Variants in DOCK3 observed in about 807,000 individuals in gnomAD.
DOCK3 encodes dedicator of cytokinesis protein 3.
A neutral mutation model predicts 265.6 loss-of-function variants in DOCK3; 60 were observed. The ratio of observed to expected loss-of-function variants is 0.23; its 90% CI spans 0.18 to 0.28. The LOEUF is 0.28. Ranked by LOEUF, DOCK3 falls within the 10% of genes least tolerant of loss-of-function variation. The pLI, the probability that DOCK3 is intolerant of heterozygous loss-of-function variation, is 1.00. For synonymous variants in DOCK3, 881 were observed against 938.0 expected, an observed-to-expected ratio of 0.94 and a Z score of 1.11; for missense variants, 1,981 against 2,594.3, an observed-to-expected ratio of 0.76 and a Z score of 5.14.
chr3:50,957,084 T>C (rs939503858), intron 5 of DOCK3, among the ~76,000 whole-genome samples: 3 of 152,182 alleles, frequency 2.0e-5, no homozygotes, highest in African/African-American at 7.2e-5. Context: ...TTTATATTAA[T>C]CAGTTTTTCA....
chr3:51,242,562 G>A (rs931619289), intron 21 of DOCK3, among the ~76,000 whole-genome samples: 16 of 152,098 alleles, frequency 1.1e-4, no homozygotes, highest in South Asian at 2.1e-4. Context: ...CAACTTTTGT[G>A]CAGTCACGGT....
chr3:51,253,694 G>A (rs2079387758), intron 22 of DOCK3, among the ~76,000 whole-genome samples: 1 of 152,046 alleles, frequency 6.6e-6, no homozygotes, highest in Non-Finnish European at 1.5e-5. Flanking sequence ...TGTAGTTCGT[G>A]GGATCGATGG....
chr3:51,029,239 C>T (rs768204766), intron 5 of DOCK3, among the ~76,000 whole-genome samples: 4 of 152,054 alleles, frequency 2.6e-5, no homozygotes, highest in East Asian at 1.9e-4. Flanking sequence ...CTACTTGCAA[C>T]GATGTATTTT....
At chr3:50,857,425 T>A (rs1256630961) in intron 3 of DOCK3, among the ~76,000 whole-genome samples, 1 of 152,142 alleles carries the variant, frequency 6.6e-6, no homozygotes, top group South Asian at 2.1e-4. Flanking sequence ...AAATTATTTA[T>A]TTCCTTTAGT....
intron 4 of DOCK3, among the ~76,000 whole-genome samples, chr3:50,917,544 A>T (rs2107989604): frequency 6.6e-6 from 1 of 152,154 alleles, no homozygotes; most frequent in African/African-American, 2.4e-5. Context: ...CTAATAGATG[A>T]TTATGCTCAC....
At chr3:51,297,794 A>T (rs200069116) in intron 27 of DOCK3, among the ~76,000 whole-genome samples, 6 of 148,806 alleles carry the variant, frequency 4.0e-5, no homozygotes, top group African/African-American at 1.2e-4. Flanking sequence ...AATAATAATA[A>T]TTTTTTTTTA....
At chr3:51,181,472 C>G (rs1023710954) in intron 12 of DOCK3, among the ~76,000 whole-genome samples, 20 of 151,744 alleles carry the variant, frequency 1.3e-4, no homozygotes, top group Non-Finnish European at 2.4e-4. Context: ...TGAACTCATC[C>G]TTTTTTATGG....
intron 23 of DOCK3, among the ~76,000 whole-genome samples, chr3:51,262,944 T>C (rs922777556): frequency 1.3e-5 from 2 of 152,196 alleles, no homozygotes; most frequent in Admixed American, 6.5e-5. Flanking sequence ...CTATGTTTGA[T>C]TGGTGTACCT....
At chr3:50,941,532 A>G (rs1158816666) in intron 5 of DOCK3, among the ~76,000 whole-genome samples, 1 of 152,116 alleles carries the variant, frequency 6.6e-6, no homozygotes, top group East Asian at 1.9e-4. Context: ...ACATATACTT[A>G]ATATATGACC....
intron 23 of DOCK3, among the ~76,000 whole-genome samples, chr3:51,264,094 A>G (rs548955135): frequency 2.6e-5 from 4 of 152,352 alleles, no homozygotes; most frequent in African/African-American, 7.2e-5. Flanking sequence ...CTCCTCCCCA[A>G]ATCAACAGAA....
chr3:51,171,312 A>G (rs1054517173), intron 12 of DOCK3, among the ~76,000 whole-genome samples: 2 of 152,156 alleles, frequency 1.3e-5, no homozygotes, highest in Admixed American at 1.3e-4. Context: ...AGTGTTGTTT[A>G]ATTTCCACAT....
At chr3:50,978,383 G>A (rs2077551767) in intron 5 of DOCK3, among the ~76,000 whole-genome samples, 1 of 145,880 alleles carries the variant, frequency 6.9e-6, no homozygotes, top group Non-Finnish European at 1.5e-5. Flanking sequence ...TCAGCTGCAG[G>A]TCTGTTGGAG....
chr3:51,278,809 AC>A (rs1028226815), intron 26 of DOCK3, among the ~76,000 whole-genome samples: 19 of 152,148 alleles, frequency 1.2e-4, no homozygotes, highest in Non-Finnish European at 1.3e-4. Context: ...TTTATTCAGT[AC>A]CTTTTTACAT....
intron 2 of DOCK3, among the ~76,000 whole-genome samples, chr3:50,790,538 G>T: frequency 7.3e-6 from 1 of 136,988 alleles, no homozygotes. Flanking sequence ...TTCAGCATTT[G>T]TTTGTCTGAA....
At chr3:51,338,336 C>T (rs1421304091) in intron 35 of DOCK3, 23 bp from the exon 36 acceptor site, 12 of 1,551,422 alleles carry the variant, frequency 7.7e-6, no homozygotes, top group Non-Finnish European at 1.0e-5. Context: ...ATATCTGGTG[C>T]TCATCTGTGC....
chr3:51,012,433 G>A (rs1257174033), intron 5 of DOCK3, among the ~76,000 whole-genome samples: 1 of 152,172 alleles, frequency 6.6e-6, no homozygotes, highest in Non-Finnish European at 1.5e-5. Context: ...CTGTGGGTGT[G>A]GGACCCTCCA....
intron 1 of DOCK3, among the ~76,000 whole-genome samples, chr3:50,742,598 G>T (rs1267572131): frequency 6.6e-6 from 1 of 151,788 alleles, no homozygotes; most frequent in South Asian, 2.1e-4. Flanking sequence ...GGGTATCAGC[G>T]ATGGAAGATG....
At chr3:51,064,327 T>G (rs2081516790) in intron 5 of DOCK3, 121 bp from the exon 6 acceptor site, 5 of 1,290,246 alleles carry the variant, frequency 3.9e-6, no homozygotes, top group Non-Finnish European at 5.3e-6. Flanking sequence ...AAGTTCCTCT[T>G]TATATTACCT....
Position 51,318,506 on chromosome 3 carries a change from C to T in DOCK3, c.3402+3378C>T, listed in dbSNP as rs2109730376. Among the ~76,000 whole-genome samples the T allele has an allele frequency of 2.0e-5, 3 of 152,222 alleles. No individual in the cohort carries two copies. In the East Asian group the frequency reaches 5.8e-4, roughly 29 times the overall value. On this transcript the variant is annotated intron_variant, in intron 32 of 52. Transcript: ENST00000266037. ...CAGTGTTTTGTATACAGATCTTACA[C>T]ATATATTATTAGATTTATATGTATT...
Sources: allele counts gnomAD v4.1 joint callset (sites outside exome capture counted in the v4.1 genomes callset), GRCh38; gene constraint gnomAD v4.1.1; transcripts MANE v1.5; gene names NCBI Gene and HGNC (gene_info 2026-07-23, HGNC 2026-07-21).